G2E3: variants seen among roughly 807,000 people sequenced by gnomAD.
G2E3 encodes G2/M-phase specific E3 ubiquitin protein ligase.
In G2E3, 35 loss-of-function variants were observed where a neutral mutation model predicts 92.8. That is an observed-to-expected ratio of 0.38 (90% CI 0.29 to 0.50). The LOEUF (loss-of-function observed/expected upper bound fraction) is 0.50. Ranked by LOEUF, G2E3 falls within the 20% of genes least tolerant of loss-of-function variation. The pLI is 0.94. For missense variants in G2E3, 554 were observed against 823.8 expected (o/e 0.67, Z 4.01); for synonymous variants, 242 against 272.4 (o/e 0.89, Z 1.10).
At chr14:30,601,680 T>C in intron 8 of G2E3, 90 bp from the exon 9 acceptor site, 2 of 1,210,826 alleles carry the variant, frequency 1.7e-6, no homozygotes, top group Non-Finnish European at 2.4e-6. Context: ...TGCGTGTTTG[T>C]GTGTAAGAAG....
At chr14:30,565,650 CTTTTTTTTTTTTTTTTT>C (rs537643569) in intron 1 of G2E3, among the ~76,000 whole-genome samples, 1 of 62,230 alleles carries the variant, frequency 1.6e-5, no homozygotes, top group Non-Finnish European at 2.8e-5. Context: ...AACTTCATTC[CTTTTTTTTTTTTTTTTT>C]TTTTTTTTTT....
At chr14:30,613,024 T>A (rs1253505705) in intron 13 of G2E3, among the ~76,000 whole-genome samples, 1 of 152,224 alleles carries the variant, frequency 6.6e-6, no homozygotes, top group African/African-American at 2.4e-5. Context: ...GAGTACCTTT[T>A]ATCTGCTGGG....
chr14:30,575,393 A>G (rs1310164186), intron 1 of G2E3, among the ~76,000 whole-genome samples: 2 of 152,200 alleles, frequency 1.3e-5, no homozygotes, highest in Non-Finnish European at 2.9e-5. Flanking sequence ...AATAAGAGCC[A>G]TCTATGACAA....
intron 1 of G2E3, among the ~76,000 whole-genome samples, chr14:30,565,962 C>T (rs1043031824): frequency 2.0e-5 from 3 of 152,068 alleles, no homozygotes; most frequent in African/African-American, 7.2e-5. Context: ...ACCTGGCCAA[C>T]TTCATTCTTA....
chr14:30,599,125 C>T (rs191290134), intron 8 of G2E3, among the ~76,000 whole-genome samples: 7 of 152,234 alleles, frequency 4.6e-5, no homozygotes, highest in Admixed American at 2.6e-4. Context: ...GTCCCTCTGT[C>T]GGTGTGTTGT....
chr14:30,568,339 A>C (rs976095000), intron 1 of G2E3, among the ~76,000 whole-genome samples: 1 of 152,150 alleles, frequency 6.6e-6, no homozygotes, highest in Non-Finnish European at 1.5e-5. Context: ...TAGTGTATGT[A>C]TGGATTTTAA....
At position 30,616,938 on chromosome 14, in the gene G2E3, CATTTT is replaced by C. The variant is rs965278153; in HGVS notation, c.*411_*415del. 9.1e-5 allele frequency: 14 copies of C among 153,786 alleles called. No homozygotes were observed. The highest frequency in any genetic ancestry group is 2.2e-4 in the African/African-American group (9 of 41,444). 9.5% of individuals were successfully genotyped at this position (153,786 alleles called of 1,614,324 possible). On this transcript the variant is annotated 3_prime_UTR_variant, in exon 15 of 15. Coordinates refer to ENST00000206595, the MANE Select transcript of G2E3 (RefSeq NM_017769.5). Reference sequence around the variant, plus strand: ...TTTATTCAATTTTCAAATTATTCCTCATTTTATTTTAAAGCATTAAATAGAAAAGC... The same window carrying C: ...TTTATTCAATTTTCAAATTATTCCTCATTTTAAAGCATTAAATAGAAAAGC...
chr14:30,563,734 T>A (rs1175532643), intron 1 of G2E3, among the ~76,000 whole-genome samples: 1 of 145,790 alleles, frequency 6.9e-6, no homozygotes, highest in Non-Finnish European at 1.5e-5. Context: ...TGTGTGTGTG[T>A]GTGTGATATA....
chr14:30,607,399 G>C (rs1881880685), intron 11 of G2E3, among the ~76,000 whole-genome samples: 1 of 152,032 alleles, frequency 6.6e-6, no homozygotes, highest in African/African-American at 2.4e-5. Flanking sequence ...AAGCCTATTG[G>C]TTCTAGACTG....
At chr14:30,608,849 G>T (rs1259254764) in intron 12 of G2E3, among the ~76,000 whole-genome samples, 1 of 152,200 alleles carries the variant, frequency 6.6e-6, no homozygotes, top group African/African-American at 2.4e-5. Flanking sequence ...AGGCGTGGTG[G>T]CATGTGCCTG....
intron 2 of G2E3, among the ~76,000 whole-genome samples, chr14:30,583,123 T>C (rs1880523786): frequency 6.6e-6 from 1 of 152,206 alleles, no homozygotes; most frequent in African/African-American, 2.4e-5. Flanking sequence ...TATGCAATCA[T>C]TTAGAGATGC....
intron 2 of G2E3, among the ~76,000 whole-genome samples, chr14:30,582,536 A>T (rs968944302): frequency 6.6e-6 from 1 of 152,186 alleles, no homozygotes; most frequent in African/African-American, 2.4e-5. Flanking sequence ...CCCCTCTTCT[A>T]TAGTTTCAGC....
chr14:30,619,852 TTAAAC>T lies in G2E3; in HGVS notation c.*3322_*3326del, dbSNP rs532000677. On this transcript the variant is annotated 3_prime_UTR_variant, in exon 15 of 15. Coordinates refer to ENST00000206595, the MANE Select transcript of G2E3 (RefSeq NM_017769.5). ...ATGCCACTAAAGGTAAACTGCCTAT[TTAAAC>T]TAAGTAATTTTTTGGGATTTAATAA... The T allele has an allele frequency of 3.3e-5, 5 of 152,300 alleles. No homozygotes were observed. Among genetic ancestry groups the T allele is most frequent in the South Asian group, 2.1e-4 (1 of 4,824 alleles). 9.4% of individuals were successfully genotyped at this position (152,300 alleles called of 1,614,324 possible).
At chr14:30,565,044 A>G (rs549960589) in intron 1 of G2E3, among the ~76,000 whole-genome samples, 4 of 152,328 alleles carry the variant, frequency 2.6e-5, no homozygotes, top group African/African-American at 9.6e-5. Flanking sequence ...GTGTTGTGGA[A>G]TTGCCAAACT....
At chr14:30,608,353 A>G (rs1045919450) in intron 12 of G2E3, among the ~76,000 whole-genome samples, 1 of 152,174 alleles carries the variant, frequency 6.6e-6, no homozygotes, top group African/African-American at 2.4e-5. Context: ...AAATACATGG[A>G]TTTGCCTGCC....
At chr14:30,565,352 A>G (rs967758650) in intron 1 of G2E3, among the ~76,000 whole-genome samples, 7 of 152,212 alleles carry the variant, frequency 4.6e-5, no homozygotes, top group African/African-American at 1.4e-4. Flanking sequence ...AGAGTTTCTA[A>G]TGTATTCTAG....
intron 1 of G2E3, among the ~76,000 whole-genome samples, chr14:30,575,903 T>C (rs1342408799): frequency 6.6e-6 from 1 of 152,200 alleles, no homozygotes; most frequent in South Asian, 2.1e-4. Context: ...CCCATGCTCA[T>C]GTATAGGAAG....
rs371822702 is a variant in G2E3, at chr14:30,615,474, C to A, written c.1799C>A (p.Thr600Lys). ...LSAKILSELF[T>K]VHTLPDVKAL... is the part of the protein sequence containing the mutation. ...GCAAAAATCCTTAGTGAGCTTTTTACAGTACACACATTACCTGATGTGAAA... is the reference window on the plus strand; with the variant it reads ...GCAAAAATCCTTAGTGAGCTTTTTAAAGTACACACATTACCTGATGTGAAA... Residue 600 changes from threonine to lysine, a missense_variant, in exon 14 of 15, where the codon ACA (threonine) becomes AAA (lysine). Physicochemically the swap from Thr to Lys is moderately conservative, Grantham distance 78. This residue lies in a region of G2E3 where 397 missense variants were observed against 560.3 expected (regional missense o/e 0.71). Coordinates refer to ENST00000206595, the MANE Select transcript of G2E3 (RefSeq NM_017769.5). 1 of 1,611,182 alleles carries A rather than the reference C, an allele frequency of 6.2e-7. No individual in the cohort carries two copies.
chr14:30,601,741 G>T lies in G2E3; in HGVS notation c.753-29G>T, dbSNP rs1437561838. On this transcript the variant is annotated intron_variant, in intron 8 of 14. Coordinates refer to ENST00000206595, the MANE Select transcript of G2E3 (RefSeq NM_017769.5). ...GTTGAAACTAGAATAATAACAAAAT[G>T]TAAGTTCTGCTTTTCTTTGTGTCCT... 3.7e-6 allele frequency: 6 copies of T among 1,612,874 alleles called. No individual in the cohort carries two copies. In the Admixed American group the frequency reaches 8.3e-5, roughly 22 times the overall value.
Sources: gnomAD v4.1 joint callset for allele counts (sites outside exome capture counted in the v4.1 genomes callset) on GRCh38, gnomAD v4.1.1 for gene constraint, gnomAD v4.1.1 regional missense constraint, MANE v1.5 for transcripts, NCBI Gene and HGNC (gene_info 2026-07-23, HGNC 2026-07-21) for gene names.